The following SCML4 variants were observed in gnomAD, a reference collection of about 807,000 sequenced individuals.
The protein encoded by SCML4 is Scm polycomb group protein like 4, also known as sex comb on midleg-like protein 4.
Under a neutral mutation model 41.1 loss-of-function variants are expected in SCML4, and 34 were observed. The observed-to-expected ratio is 0.83, with a 90% CI of 0.63 to 1.10. SCML4 has a LOEUF of 1.10. SCML4 is among the 50% of genes least tolerant of loss of function. SCML4 has a pLI of 0.00. For missense variants in SCML4, 522 were observed against 534.1 expected (o/e 0.98, Z 0.22); for synonymous variants, 214 against 220.9 (o/e 0.97, Z 0.28).
intron 1 of SCML4, among the ~76,000 whole-genome samples, chr6:107,776,169 TCAAA>T (rs1780929813): frequency 6.6e-6 from 1 of 151,874 alleles, no homozygotes; most frequent in Non-Finnish European, 1.5e-5. Context: ...CACGTAAAAC[TCAAA>T]CACTTTCATA....
chr6:107,770,879 A>C (rs986931531), intron 2 of SCML4, among the ~76,000 whole-genome samples: 2 of 152,206 alleles, frequency 1.3e-5, no homozygotes, highest in Non-Finnish European at 2.9e-5. Context: ...TGCTCGATGC[A>C]TCTATAAACA....
chr6:107,755,587 G>T (rs773723220), intron 2 of SCML4: 2 of 1,335,906 alleles, frequency 1.5e-6, no homozygotes, highest in Admixed American at 2.1e-5. Flanking sequence ...CCAGTGGAAT[G>T]GGGGGGTTCT....
the SCML4 span, among the ~76,000 whole-genome samples, chr6:107,841,861 A>G: frequency 6.6e-6 from 1 of 152,184 alleles, no homozygotes; most frequent in Non-Finnish European, 1.5e-5. Context: ...GCATTCACTG[A>G]TTTTTGTAGA....
At chr6:107,743,276 G>C (rs370036680) in intron 5 of SCML4, among the ~76,000 whole-genome samples, 1 of 152,152 alleles carries the variant, frequency 6.6e-6, no homozygotes, top group African/African-American at 2.4e-5. Flanking sequence ...TTTGTAACCT[G>C]AAAGGAGCCA....
At chr6:107,773,719 T>A (rs923215405) in intron 1 of SCML4, among the ~76,000 whole-genome samples, 1 of 152,094 alleles carries the variant, frequency 6.6e-6, no homozygotes, top group African/African-American at 2.4e-5. Context: ...TCAGACTTCC[T>A]GGAATGTTCA....
At chr6:107,839,994 C>G in the SCML4 span, among the ~76,000 whole-genome samples, 1 of 151,746 alleles carries the variant, frequency 6.6e-6, no homozygotes, top group African/African-American at 2.4e-5. Flanking sequence ...AAAATGTAAA[C>G]CGAATTTGAC....
chr6:107,844,275 AG>A, the SCML4 span, among the ~76,000 whole-genome samples: 1 of 152,226 alleles, frequency 6.6e-6, no homozygotes, highest in African/African-American at 2.4e-5. Context: ...CAAGGACGGA[AG>A]GCAGAAAAAA....
Position 107,713,519 on chromosome 6 carries a change from G to A in SCML4, c.974-5508C>T, listed in dbSNP as rs375200596. Among the ~76,000 whole-genome samples the A allele has an allele frequency of 1.1e-4, 16 of 152,312 alleles. No individual in the cohort carries two copies. The South Asian group carries it at 2.3e-3, about 22-fold the overall frequency. ...GAGTGCAGCCACAGCCAGGCTTCCC[G>A]TCCCTCCTGGGCTCTGATCATTCTC... On this transcript the variant is annotated intron_variant, in intron 6 of 7. Coordinates refer to ENST00000369020, the MANE Select transcript of SCML4 (RefSeq NM_198081.5).
At chr6:107,756,362 G>GC (rs1013008460) in intron 2 of SCML4, among the ~76,000 whole-genome samples, 2 of 152,146 alleles carry the variant, frequency 1.3e-5, no homozygotes, top group African/African-American at 4.8e-5. Flanking sequence ...TCTTCCCCAA[G>GC]CCCCCTAACC....
At chr6:107,825,879 G>A (rs1167277658), upstream of SCML4, among the ~76,000 whole-genome samples, 2 of 144,050 alleles carry the variant, frequency 1.4e-5, no homozygotes, top group African/African-American at 5.1e-5. Context: ...GGAGCTCACA[G>A]TGAGCCGATA....
the SCML4 span, among the ~76,000 whole-genome samples, chr6:107,844,935 TAAAAAA>T: frequency 1.9e-3 from 269 of 141,722 alleles, 1 homozygote; most frequent in East Asian, 0.013. Flanking sequence ...ATATGTATAT[TAAAAAA>T]AAAAAAAAAA....
chr6:107,818,127 G>A (rs1282036229), intron 1 of SCML4, among the ~76,000 whole-genome samples: 1 of 152,178 alleles, frequency 6.6e-6, no homozygotes, highest in Non-Finnish European at 1.5e-5. Flanking sequence ...CAAATTTAAA[G>A]CTATCTACAG....
At chr6:107,792,983 G>C (rs76886524) in intron 1 of SCML4, among the ~76,000 whole-genome samples, 8,610 of 152,126 alleles carry the variant, frequency 0.057, 723 homozygotes, top group African/African-American at 0.18. Context: ...TAAGAACTAA[G>C]ACAAATATTG....
At chr6:107,798,352 T>A (rs897362955) in intron 1 of SCML4, among the ~76,000 whole-genome samples, 1 of 151,962 alleles carries the variant, frequency 6.6e-6, no homozygotes, top group African/African-American at 2.4e-5. Flanking sequence ...ATTTGGTCAG[T>A]TGTGTTTTTC....
At chr6:107,762,216 G>A (rs988414723) in intron 2 of SCML4, among the ~76,000 whole-genome samples, 1 of 152,046 alleles carries the variant, frequency 6.6e-6, no homozygotes, top group Admixed American at 6.6e-5. Flanking sequence ...AATTTTTAGA[G>A]TAGCCATTAA....
intron 5 of SCML4, among the ~76,000 whole-genome samples, chr6:107,737,711 C>A (rs553355367): frequency 4.1e-4 from 63 of 152,188 alleles, no homozygotes; most frequent in Non-Finnish European, 8.1e-4. Context: ...AAAAGGCAGA[C>A]TGTCTTGTGG....
intron 1 of SCML4, among the ~76,000 whole-genome samples, chr6:107,798,336 T>A (rs1782862195): frequency 6.6e-6 from 1 of 152,012 alleles, no homozygotes; most frequent in Admixed American, 6.6e-5. Context: ...TTTCATCTTA[T>A]GTCAGATTTG....
chr6:107,734,090 G>A (rs1776821619), intron 5 of SCML4, among the ~76,000 whole-genome samples: 1 of 152,100 alleles, frequency 6.6e-6, no homozygotes, highest in Admixed American at 6.5e-5. Flanking sequence ...TCTTTCAGAG[G>A]ATTCCTGGGG....
At chr6:107,773,003 C>T (rs1780640938) in intron 1 of SCML4, among the ~76,000 whole-genome samples, 1 of 151,960 alleles carries the variant, frequency 6.6e-6, no homozygotes, top group Non-Finnish European at 1.5e-5. Context: ...GCGTGCAACC[C>T]AAATAATAAG....
Sources: gnomAD v4.1 joint callset for allele counts (sites outside exome capture counted in the v4.1 genomes callset) on GRCh38, gnomAD v4.1.1 for gene constraint, MANE v1.5 for transcripts, NCBI Gene and HGNC (gene_info 2026-07-23, HGNC 2026-07-21) for gene names.